ADAMTS12: variants seen among roughly 807,000 people sequenced by gnomAD.
ADAMTS12 encodes the protein A disintegrin and metalloproteinase with thrombospondin motifs 12.
A neutral mutation model predicts 167.8 loss-of-function variants in ADAMTS12; 118 were observed. The observed-to-expected ratio is 0.70, with a 90% confidence interval of 0.61 to 0.82. ADAMTS12 has a LOEUF of 0.82. Ranked by LOEUF, ADAMTS12 falls within the 40% of genes least tolerant of loss-of-function variation. The pLI, the probability that ADAMTS12 is intolerant of heterozygous loss-of-function variation, is 0.00. For synonymous variants in ADAMTS12, 704 were observed against 716.9 expected (o/e 0.98, Z 0.29); for missense variants, 1,916 against 1,998.8 (o/e 0.96, Z 0.79).
intron 2 of ADAMTS12, among the ~76,000 whole-genome samples, chr5:33,860,346 C>T (rs1749562580): frequency 6.6e-6 from 1 of 152,020 alleles, no homozygotes; most frequent in Non-Finnish European, 1.5e-5. Context: ...AAAAACACAG[C>T]ACAAGAACTT....
Position 33,534,964 on chromosome 5 carries a change from T to A in ADAMTS12, c.4475A>T (p.Gln1492Leu). Residue 1492 changes from glutamine to leucine, a missense_variant, in exon 23 of 24, where the codon CAG becomes CTG. Transcript: ENST00000504830. Reference sequence around the variant, plus strand: ...GGGCACACATTGGACAGTCCTCTTCTGAAAGCCACCTCCACAGGAAGTGGA... The same window carrying A: ...GGGCACACATTGGACAGTCCTCTTCAGAAAGCCACCTCCACAGGAAGTGGA... ...LCSTSCGGGF[Q>L]KRTVQCVPSE... The A allele has an allele frequency of 6.2e-7, 1 of 1,609,260 alleles. No homozygotes were observed. Among genetic ancestry groups the A allele is most frequent in the Non-Finnish European group, 8.5e-7 (1 of 1,178,680 alleles).
rs763736876 is a variant in ADAMTS12, at chr5:33,881,392, G to C, written c.216C>G (p.His72Gln). 11 of 1,614,058 alleles carry C rather than the reference G, an allele frequency of 6.8e-6. No individual in the cohort carries two copies. The East Asian group carries it at 2.4e-4, about 36-fold the overall frequency. Residue 72 changes from histidine to glutamine, a missense_variant, in exon 2 of 24, where the codon CAC becomes CAG. By Grantham distance (24) the His-to-Gln change is conservative. Transcript: ENST00000504830. Reference sequence around the variant, plus strand: ...TCCTCCTGCTGCTCGTGATGGGATAGTGCAAGCCATATGACAAAAAATGCC... The same window carrying C: ...TCCTCCTGCTGCTCGTGATGGGATACTGCAAGCCATATGACAAAAAATGCC... ...ASGHFLSYGLHYPITSSRRKR... is the reference protein window; with the variant it reads ...ASGHFLSYGLQYPITSSRRKR...
intron 2 of ADAMTS12, among the ~76,000 whole-genome samples, chr5:33,764,869 C>T (rs1159979461): frequency 6.6e-6 from 1 of 151,902 alleles, no homozygotes; most frequent in African/African-American, 2.4e-5. Flanking sequence ...CAACTCCCAC[C>T]CCCATTTGCA....
intron 14 of ADAMTS12, among the ~76,000 whole-genome samples, chr5:33,617,058 G>A (rs904769558): frequency 1.4e-4 from 22 of 152,232 alleles, no homozygotes; most frequent in African/African-American, 4.8e-4. Flanking sequence ...TAGTCTCTGC[G>A]TTTCTGCAAA....
At chr5:33,725,912 C>CG (rs1743964777) in intron 3 of ADAMTS12, among the ~76,000 whole-genome samples, 1 of 152,158 alleles carries the variant, frequency 6.6e-6, no homozygotes, top group Non-Finnish European at 1.5e-5. Flanking sequence ...ACAAATTCCC[C>CG]GGGGGATTCT....
intron 2 of ADAMTS12, among the ~76,000 whole-genome samples, chr5:33,857,216 C>G (rs1279824350): frequency 6.6e-6 from 1 of 152,112 alleles, no homozygotes; most frequent in Non-Finnish European, 1.5e-5. Context: ...AATAGTCAAA[C>G]TCACAGAGGC....
intron 3 of ADAMTS12, among the ~76,000 whole-genome samples, chr5:33,710,527 T>A (rs34893763): frequency 0.53 from 80,681 of 152,102 alleles, 24,363 homozygotes; most frequent in Non-Finnish European, 0.69. Context: ...TGCTATGACC[T>A]AGTCATTGTA....
intron 2 of ADAMTS12, among the ~76,000 whole-genome samples, chr5:33,797,425 TA>T (rs1746821117): frequency 8.2e-6 from 1 of 122,366 alleles, no homozygotes; most frequent in Middle Eastern, 4.0e-3. Context: ...AGCACTTTGA[TA>T]AATCTTTTCT....
At chr5:33,685,309 A>T (rs1485260092) in intron 3 of ADAMTS12, among the ~76,000 whole-genome samples, 1 of 152,190 alleles carries the variant, frequency 6.6e-6, no homozygotes, top group Non-Finnish European at 1.5e-5. Flanking sequence ...GAAATTCTCG[A>T]CTGCATTGAG....
chr5:33,768,582 T>C (rs1579919744), intron 2 of ADAMTS12, among the ~76,000 whole-genome samples: 1 of 152,214 alleles, frequency 6.6e-6, no homozygotes, highest in Admixed American at 6.5e-5. Context: ...ACAGAATATA[T>C]TCATCCTGTT....
In ADAMTS12 at chr5:33,704,370, G is replaced by T. The variant is rs192601735; in HGVS notation, c.635-20315C>A. On this transcript the variant is annotated intron_variant, in intron 3 of 23. Coordinates refer to ENST00000504830, the MANE Select transcript of ADAMTS12 (RefSeq NM_030955.4). ...TTCCTTTGAATGTACACCCAGAAGC[G>T]GGATTGCTGGATTAAATGGTAATTC... Among the ~76,000 whole-genome samples, 11 of 152,208 alleles carry T rather than the reference G, an allele frequency of 7.2e-5. No homozygotes were observed. In the East Asian group the frequency reaches 1.9e-3, roughly 27 times the overall value.
intron 2 of ADAMTS12, among the ~76,000 whole-genome samples, chr5:33,880,247 C>A (rs1750378818): frequency 6.6e-6 from 1 of 152,196 alleles, no homozygotes; most frequent in African/African-American, 2.4e-5. Flanking sequence ...TGTACATAAA[C>A]CACATAGTAA....
At chr5:33,686,936 T>TATATATAGAG (rs70964412) in intron 3 of ADAMTS12, among the ~76,000 whole-genome samples, 22 of 145,636 alleles carry the variant, frequency 1.5e-4, no homozygotes, top group African/African-American at 5.1e-4. Flanking sequence ...TATATATATA[T>TATATATAGAG]AGAGAGAGAG....
At chr5:33,543,521 G>A (rs1369624807) in intron 22 of ADAMTS12, among the ~76,000 whole-genome samples, 1 of 152,140 alleles carries the variant, frequency 6.6e-6, no homozygotes, top group Non-Finnish European at 1.5e-5. Context: ...TATGAGGCCA[G>A]CATCATCCTG....
chr5:33,891,467 T>A, intron 1 of ADAMTS12: 1 of 434,688 alleles, frequency 2.3e-6, no homozygotes. Context: ...AGCTACCTCT[T>A]GGGTCTTTCA....
chr5:33,705,925 T>C lies in ADAMTS12; in HGVS notation c.635-21870A>G, dbSNP rs114898172. 6.6e-3 allele frequency among the ~76,000 whole-genome samples: 1,000 copies of C among 152,124 alleles called. 12 individuals carry two copies. The highest frequency in any genetic ancestry group is 0.023 in the African/African-American group (960 of 41,514). On this transcript the variant is annotated intron_variant, in intron 3 of 23. Transcript: ENST00000504830. ...CATATCTAGAAATAAATTTAACCGA[T>C]GTGAAAGACCTCTACAAGAAACTAC...
At chr5:33,727,253 G>C (rs148670652) in intron 3 of ADAMTS12, among the ~76,000 whole-genome samples, 1 of 152,058 alleles carries the variant, frequency 6.6e-6, no homozygotes, top group South Asian at 2.1e-4. Flanking sequence ...GATCTGGCCT[G>C]GGTGACGACG....
At chr5:33,785,567 T>C (rs1033775134) in intron 2 of ADAMTS12, among the ~76,000 whole-genome samples, 4 of 152,160 alleles carry the variant, frequency 2.6e-5, no homozygotes, top group African/African-American at 9.6e-5. Context: ...TGAAAAGATA[T>C]GCAACATCAT....
chr5:33,669,477 C>T (rs1358688263), intron 5 of ADAMTS12, among the ~76,000 whole-genome samples: 1 of 152,066 alleles, frequency 6.6e-6, no homozygotes, highest in East Asian at 1.9e-4. Flanking sequence ...ATTAGTTCTA[C>T]TGTGTGTGTT....
Sources: allele counts gnomAD v4.1 joint callset (sites outside exome capture counted in the v4.1 genomes callset), GRCh38; gene constraint gnomAD v4.1.1; transcripts MANE v1.5; gene names NCBI Gene and HGNC (gene_info 2026-07-23, HGNC 2026-07-21).